Variants in PLCL2 observed in about 807,000 individuals in gnomAD.
PLCL2 encodes phospholipase C like 2, also known as inactive phospholipase C-like protein 2.
PLCL2 carries 4 observed loss-of-function variants against 79.6 expected under a neutral mutation model. That is an observed-to-expected ratio of 0.05 (90% CI 0.02 to 0.11). PLCL2 has a LOEUF of 0.11. Among genes scored for constraint, PLCL2 ranks in the 10% least tolerant of loss-of-function variants. The pLI is 1.00. For synonymous variants in PLCL2, 484 were observed against 457.7 expected, an observed-to-expected ratio of 1.06 and a Z score of -0.73; for missense variants, 895 against 1,291.0, an observed-to-expected ratio of 0.69 and a Z score of 4.70.
chr3:16,886,378 G>A lies in PLCL2; in HGVS notation c.327+1012G>A, dbSNP rs1422485257. Among the ~76,000 whole-genome samples, 1 of 152,184 alleles carries A rather than the reference G, an allele frequency of 6.6e-6. No individual in the cohort carries two copies. Among genetic ancestry groups the A allele is most frequent in the East Asian group, 1.9e-4 (1 of 5,196 alleles). On this transcript the variant is annotated intron_variant, in intron 1 of 5. Coordinates refer to ENST00000615277, the MANE Select transcript of PLCL2 (RefSeq NM_001144382.2). The surrounding 1 kb of genome is among the most constrained non-coding windows in gnomAD (Gnocchi z 4.2). ...GACAGGCTGCACCCACCCTTCCTGTGGCTGATAACTGGTGGGAGGGCAGAA... is the reference window on the plus strand; with the variant it reads ...GACAGGCTGCACCCACCCTTCCTGTAGCTGATAACTGGTGGGAGGGCAGAA...
At chr3:16,890,411 C>T (rs1202835862) in intron 1 of PLCL2, among the ~76,000 whole-genome samples, 2 of 152,256 alleles carry the variant, frequency 1.3e-5, no homozygotes, top group Middle Eastern at 3.4e-3. Context: ...CTGCAAGGAG[C>T]CTAAACTAGA....
At chr3:16,990,646 A>T (rs1028459378) in intron 1 of PLCL2, among the ~76,000 whole-genome samples, 1 of 152,170 alleles carries the variant, frequency 6.6e-6, no homozygotes, top group Non-Finnish European at 1.5e-5. Flanking sequence ...CAGCCTCTAC[A>T]GCGCTTTCAT....
intron 4 of PLCL2, among the ~76,000 whole-genome samples, chr3:17,046,787 C>T (rs539448317): frequency 3.5e-4 from 54 of 152,284 alleles, no homozygotes; most frequent in African/African-American, 1.2e-3. Flanking sequence ...GGGGGCCTGA[C>T]ACAGCCTGAC....
Position 16,887,361 on chromosome 3 carries a change from T to C in PLCL2, c.327+1995T>C, listed in dbSNP as rs2124912635. ...TTGCTTATTGAATGAATGGAGAAAG[T>C]ACATGTTTTCTCTGAGTTCTGTTAA... is the stretch of plus-strand genomic sequence containing the variant. On this transcript the variant is annotated intron_variant, in intron 1 of 5. Coordinates refer to ENST00000615277, the MANE Select transcript of PLCL2 (RefSeq NM_001144382.2). This position sits in a 1 kb window ranked among gnomAD's most constrained non-coding sequence, Gnocchi z 4.1. Among the ~76,000 whole-genome samples the C allele has an allele frequency of 6.6e-6, 1 of 152,340 alleles. No homozygotes were observed. Among genetic ancestry groups the C allele is most frequent in the Admixed American group, 6.5e-5 (1 of 15,306 alleles).
At chr3:16,893,909 CAG>C (rs1257987079) in intron 1 of PLCL2, among the ~76,000 whole-genome samples, 1 of 152,176 alleles carries the variant, frequency 6.6e-6, no homozygotes, top group Non-Finnish European at 1.5e-5. Context: ...GTCTCTCTCT[CAG>C]AGACTGATGG....
At chr3:17,059,866 T>A (rs778795617) in intron 4 of PLCL2, among the ~76,000 whole-genome samples, 13 of 152,164 alleles carry the variant, frequency 8.5e-5, no homozygotes, top group Non-Finnish European at 1.9e-4. Flanking sequence ...GGAAGAGGTG[T>A]CAAAAAGAAG....
At chr3:16,897,302 A>G (rs1270679870) in intron 1 of PLCL2, among the ~76,000 whole-genome samples, 2 of 136,090 alleles carry the variant, frequency 1.5e-5, no homozygotes, top group African/African-American at 5.9e-5. Flanking sequence ...TATGTCAATT[A>G]AAAAAAAAAA....
intron 4 of PLCL2, among the ~76,000 whole-genome samples, chr3:17,058,744 C>T (rs2064916137): frequency 1.3e-5 from 2 of 152,060 alleles, no homozygotes; most frequent in Admixed American, 1.3e-4. Flanking sequence ...GTTTATATGT[C>T]AGCAAGATGC....
intron 1 of PLCL2, among the ~76,000 whole-genome samples, chr3:16,964,168 T>C (rs2063782227): frequency 7.2e-6 from 1 of 138,956 alleles, no homozygotes; most frequent in Admixed American, 7.1e-5. Flanking sequence ...GCTATCCCTC[T>C]CCCCTCCCCC....
At chr3:17,064,193 G>A (rs566125803) in intron 4 of PLCL2, among the ~76,000 whole-genome samples, 4 of 152,284 alleles carry the variant, frequency 2.6e-5, no homozygotes, top group African/African-American at 9.6e-5. Flanking sequence ...TGACATGCTA[G>A]GAGTAGATTT....
chr3:16,961,449 G>A (rs1307134861), intron 1 of PLCL2, among the ~76,000 whole-genome samples: 3 of 152,162 alleles, frequency 2.0e-5, no homozygotes, highest in Admixed American at 6.5e-5. Flanking sequence ...TGAAGTGGAG[G>A]GAAACTTTAT....
intron 1 of PLCL2, among the ~76,000 whole-genome samples, chr3:16,987,809 A>T (rs969987005): frequency 6.6e-6 from 1 of 152,180 alleles, no homozygotes; most frequent in Non-Finnish European, 1.5e-5. Context: ...CATTATGGAG[A>T]TTATAAAAAG....
intron 4 of PLCL2, among the ~76,000 whole-genome samples, chr3:17,046,339 T>C (rs2064780169): frequency 6.6e-6 from 1 of 152,214 alleles, no homozygotes; most frequent in Non-Finnish European, 1.5e-5. Flanking sequence ...CCAAAGTCTT[T>C]TCCGCTTTCT....
chr3:16,996,961 T>G (rs970433380), intron 1 of PLCL2, among the ~76,000 whole-genome samples: 6 of 152,246 alleles, frequency 3.9e-5, no homozygotes, highest in Non-Finnish European at 8.8e-5. Flanking sequence ...TACTGAGATG[T>G]TTCGAAAAAT....
chr3:16,956,866 A>G (rs1252130313), intron 1 of PLCL2, among the ~76,000 whole-genome samples: 2 of 152,116 alleles, frequency 1.3e-5, no homozygotes, highest in Non-Finnish European at 2.9e-5. Context: ...CTGTGGGATC[A>G]GTGGTGATAT....
chr3:16,995,987 A>C (rs2064149253), intron 1 of PLCL2, among the ~76,000 whole-genome samples: 1 of 152,224 alleles, frequency 6.6e-6, no homozygotes, highest in South Asian at 2.1e-4. Flanking sequence ...GGTTTCAGCC[A>C]GACCTCTAGG....
intron 5 of PLCL2, among the ~76,000 whole-genome samples, chr3:17,071,019 G>A (rs1308869493): frequency 6.6e-6 from 1 of 152,080 alleles, no homozygotes; most frequent in Non-Finnish European, 1.5e-5. Flanking sequence ...TCCAGGCTTG[G>A]AACCCAGGAA....
At chr3:17,062,506 C>T (rs1487130951) in intron 4 of PLCL2, among the ~76,000 whole-genome samples, 1 of 152,196 alleles carries the variant, frequency 6.6e-6, no homozygotes, top group Non-Finnish European at 1.5e-5. Context: ...GTTCCTCCCC[C>T]TCTGTCTTTA....
chr3:16,902,594 AG>A (rs760548494), intron 1 of PLCL2, among the ~76,000 whole-genome samples: 2 of 152,172 alleles, frequency 1.3e-5, no homozygotes, highest in Admixed American at 6.5e-5. Flanking sequence ...TAGGATGCCA[AG>A]GCAGGTAGAT....
Sources: allele counts gnomAD v4.1 joint callset (sites outside exome capture counted in the v4.1 genomes callset), GRCh38; gene constraint gnomAD v4.1.1; non-coding constraint Gnocchi (gnomAD v3.1); transcripts MANE v1.5; gene names NCBI Gene and HGNC (gene_info 2026-07-23, HGNC 2026-07-21).